The following CMTM4 variants were observed in gnomAD, a reference collection of about 807,000 sequenced individuals.
CMTM4 encodes the protein CKLF like MARVEL transmembrane domain containing 4.
In CMTM4, 8 loss-of-function variants were observed where a neutral mutation model predicts 19.0. The observed-to-expected ratio is 0.42, with a 90% CI of 0.25 to 0.76. The LOEUF (loss-of-function observed/expected upper bound fraction) is 0.76, where lower values mean the gene tolerates loss of function less well. CMTM4 is among the 30% of genes least tolerant of loss of function. The pLI, the probability that CMTM4 is intolerant of heterozygous loss-of-function variation, is 0.27. For synonymous variants in CMTM4, 106 were observed against 121.1 expected, an observed-to-expected ratio of 0.88 and a Z score of 0.82; for missense variants, 228 against 290.2, an observed-to-expected ratio of 0.79 and a Z score of 1.56.
intron 2 of CMTM4, among the ~76,000 whole-genome samples, chr16:66,633,157 C>T (rs941476359): frequency 7.6e-6 from 1 of 131,996 alleles, no homozygotes; most frequent in Admixed American, 7.3e-5. Flanking sequence ...CAAAGTCCCA[C>T]AATCCATCCA....
intron 1 of CMTM4, among the ~76,000 whole-genome samples, chr16:66,685,369 A>C (rs909991100): frequency 6.6e-6 from 1 of 152,118 alleles, no homozygotes; most frequent in Non-Finnish European, 1.5e-5. Context: ...TGGTATTTCC[A>C]GGCTATTTCA....
intron 1 of CMTM4, among the ~76,000 whole-genome samples, chr16:66,658,237 G>T (rs1030733974): frequency 9.1e-5 from 12 of 132,332 alleles, no homozygotes; most frequent in Non-Finnish European, 1.9e-4. Context: ...GGGAAGGAGG[G>T]AAGGAGGGAG....
At chr16:66,614,462 T>A (rs1372838560), downstream of CMTM4, among the ~76,000 whole-genome samples, 3 of 152,138 alleles carry the variant, frequency 2.0e-5, no homozygotes, top group Non-Finnish European at 2.9e-5. This position sits in a 1 kb window ranked among gnomAD's most constrained non-coding sequence, Gnocchi z 4.9. Context: ...CGCATTCTTA[T>A]CCAGGCTGAT....
chr16:66,622,000 G>A lies in CMTM4; in HGVS notation c.*58C>T, dbSNP rs557718819. 247 of 1,520,272 alleles carry A rather than the reference G, an allele frequency of 1.6e-4. No individual in the cohort carries two copies. Among genetic ancestry groups the A allele is most frequent in the Non-Finnish European group, 2.1e-4 (241 of 1,126,736 alleles). The allele number at this position is 1,520,272 out of a possible 1,614,324, so 94.2% of individuals were successfully genotyped here. ...TGGAAATCTGACAGGACAAGGGAAAGAAAACTTGACTGAGAGACAGGCACG... is the reference window on the plus strand; with the variant it reads ...TGGAAATCTGACAGGACAAGGGAAAAAAAACTTGACTGAGAGACAGGCACG... On this transcript the variant is annotated 3_prime_UTR_variant, in exon 4 of 4. Coordinates refer to ENST00000394106, the MANE Select transcript of CMTM4 (RefSeq NM_181521.3).
In CMTM4 at chr16:66,619,149, C is replaced by A; in HGVS notation, c.*2909G>T. 1 of 985,350 alleles carries A rather than the reference C, an allele frequency of 1.0e-6. No homozygotes were observed. Among genetic ancestry groups the A allele is most frequent in the Non-Finnish European group, 1.2e-6 (1 of 829,944 alleles). The allele number at this position is 985,350 out of a possible 1,614,324, so 61.0% of individuals were successfully genotyped here. The stretch of plus-strand genomic sequence containing the variant: ...CTCCAGCCTTTCATGACTGTAATCC[C>A]TCTTTAAGGCAGGGAAAACATATTT... On this transcript the variant is annotated 3_prime_UTR_variant, in exon 4 of 4. Transcript: ENST00000394106.
the CMTM4 span, among the ~76,000 whole-genome samples, chr16:66,600,929 G>T: frequency 7.2e-5 from 11 of 152,338 alleles, no homozygotes; most frequent in African/African-American, 2.6e-4. Flanking sequence ...GGGTAGAGGG[G>T]TCAGCATGGA....
At chr16:66,689,731 T>C (rs749779712) in intron 1 of CMTM4, among the ~76,000 whole-genome samples, 4 of 152,180 alleles carry the variant, frequency 2.6e-5, no homozygotes, top group Non-Finnish European at 5.9e-5. Flanking sequence ...ATTAATATGG[T>C]GTACACCTAT....
chr16:66,679,157 G>A (rs572719515), intron 1 of CMTM4, among the ~76,000 whole-genome samples: 1 of 151,606 alleles, frequency 6.6e-6, no homozygotes, highest in Admixed American at 6.6e-5. Flanking sequence ...CAAAACAAGT[G>A]CCAATACTCT....
At chr16:66,665,560 C>T (rs2016576664) in intron 1 of CMTM4, among the ~76,000 whole-genome samples, 1 of 152,044 alleles carries the variant, frequency 6.6e-6, no homozygotes, top group African/African-American at 2.4e-5. Flanking sequence ...GCCTAGCCAA[C>T]ACAATGAAAC....
chr16:66,599,413 A>G, the CMTM4 span, among the ~76,000 whole-genome samples: 1 of 152,220 alleles, frequency 6.6e-6, no homozygotes, highest in East Asian at 1.9e-4. Context: ...AGCTCCACCA[A>G]GGTCAAGACA....
Position 66,619,519 on chromosome 16 carries a change from A to G in CMTM4, c.*2539T>C, listed in dbSNP as rs1334882317. ...TCCCTATTGAAACTATTAAACGCAA[A>G]AACGCTTCCTTCAATTTGCCAAGAG... is the stretch of plus-strand genomic sequence containing the variant. On this transcript the variant is annotated 3_prime_UTR_variant, in exon 4 of 4. Transcript: ENST00000394106. 2 of 985,322 alleles carry G rather than the reference A, an allele frequency of 2.0e-6. No individual in the cohort carries two copies. Among genetic ancestry groups the G allele is most frequent in the South Asian group, 9.4e-5 (2 of 21,286 alleles). 61.0% of individuals were successfully genotyped at this position (985,322 alleles called of 1,614,324 possible). A position where few individuals can be genotyped will look rare whatever the true frequency, so the allele number is the denominator to read the frequency against.
rs2144780525 is a variant in CMTM4, at chr16:66,621,914, T to C, written c.*144A>G. 2.1e-6 allele frequency: 3 copies of C among 1,438,528 alleles called. No individual in the cohort carries two copies. The highest frequency in any genetic ancestry group is 5.0e-5 in the East Asian group (2 of 39,840). The allele number at this position is 1,438,528 out of a possible 1,614,324, so 89.1% of individuals were successfully genotyped here. A position where few individuals can be genotyped will look rare whatever the true frequency, so the allele number is the denominator to read the frequency against. On this transcript the variant is annotated 3_prime_UTR_variant, in exon 4 of 4. Transcript: ENST00000394106. The stretch of plus-strand genomic sequence containing the variant: ...ACCGCGGACCCGCCCACTGGGCCAC[T>C]CGGGAAACCCTTTCCCAAAATGAAC...
intron 2 of CMTM4, among the ~76,000 whole-genome samples, chr16:66,634,223 T>A (rs1384855366): frequency 6.6e-6 from 1 of 152,140 alleles, no homozygotes; most frequent in Admixed American, 6.5e-5. Context: ...GTGGATCACC[T>A]GAGGTCAGGT....
intron 1 of CMTM4, among the ~76,000 whole-genome samples, chr16:66,684,885 T>C (rs1380761317): frequency 1.3e-5 from 2 of 152,102 alleles, no homozygotes; most frequent in South Asian, 4.1e-4. Context: ...AGGGGTTCCC[T>C]GCTCTCTTCC....
At chr16:66,688,082 G>C (rs766253985) in intron 1 of CMTM4, among the ~76,000 whole-genome samples, 23 of 152,228 alleles carry the variant, frequency 1.5e-4, no homozygotes, top group African/African-American at 4.6e-4. Flanking sequence ...ATCTGAGTGA[G>C]GGCCCATTCT....
intron 2 of CMTM4, among the ~76,000 whole-genome samples, chr16:66,625,701 A>G (rs1426362266): frequency 1.3e-5 from 2 of 152,246 alleles, no homozygotes; most frequent in Admixed American, 1.3e-4. Context: ...TAACAAGAGC[A>G]TAACATATCT....
intron 1 of CMTM4, among the ~76,000 whole-genome samples, chr16:66,683,746 A>C (rs1368878150): frequency 6.6e-6 from 1 of 151,640 alleles, no homozygotes; most frequent in African/African-American, 2.4e-5. Context: ...GAGGAGAATC[A>C]AGCAGGGTGA....
chr16:66,635,513 G>A (rs1019223028), intron 2 of CMTM4, among the ~76,000 whole-genome samples: 2 of 152,130 alleles, frequency 1.3e-5, no homozygotes, highest in South Asian at 2.1e-4. Flanking sequence ...TTTCTCATGG[G>A]CCCAGCAGCA....
chr16:66,683,127 GTGTATATATATATATATA>G (rs1567431909), intron 1 of CMTM4, among the ~76,000 whole-genome samples: 3 of 128,260 alleles, frequency 2.3e-5, no homozygotes, highest in Admixed American at 8.5e-5. Flanking sequence ...GTGTGTGTGT[GTGTATATATATATATATA>G]TGTATATATA....
Sources: gnomAD v4.1 joint callset for allele counts (sites outside exome capture counted in the v4.1 genomes callset) on GRCh38, gnomAD v4.1.1 for gene constraint, Gnocchi (gnomAD v3.1) non-coding constraint, MANE v1.5 for transcripts, NCBI Gene and HGNC (gene_info 2026-07-23, HGNC 2026-07-21) for gene names.